The following ARHGAP15 variants were observed in gnomAD, a reference collection of about 807,000 sequenced individuals.
ARHGAP15 encodes rho GTPase-activating protein 15.
In ARHGAP15, 51 loss-of-function variants were observed where a neutral mutation model predicts 63.7. That is an observed-to-expected ratio of 0.80 (90% CI 0.64 to 1.01). The LOEUF (loss-of-function observed/expected upper bound fraction) is 1.01. ARHGAP15 is among the 50% of genes least tolerant of loss of function. The pLI is 0.00. For synonymous variants in ARHGAP15, 191 were observed against 193.8 expected, an observed-to-expected ratio of 0.99 and a Z score of 0.12; for missense variants, 560 against 564.6, an observed-to-expected ratio of 0.99 and a Z score of 0.08.
chr2:143,768,203 ATC>A lies in ARHGAP15; in HGVS notation c.*33_*34del, dbSNP rs1453406023. 6.4e-7 allele frequency: 1 copy of A among 1,559,142 alleles called. No homozygotes were observed. The highest frequency in any genetic ancestry group is 2.3e-5 in the East Asian group (1 of 43,252). ...AAGACAAGCTACTGAATACGTTCAC[ATC>A]TGTCTTGATGCCTAATATTTTTACA... On this transcript the variant is annotated 3_prime_UTR_variant, in exon 14 of 14. Coordinates refer to ENST00000295095, the MANE Select transcript of ARHGAP15 (RefSeq NM_018460.4).
rs71411383 is a variant in ARHGAP15 at position 143,397,316 on chromosome 2, ATGTGTG to A, written c.475-38259_475-38254del. Among the ~76,000 whole-genome samples, 56 of 147,728 alleles carry A rather than the reference ATGTGTG, an allele frequency of 3.8e-4. No homozygotes were observed. The South Asian group carries it at 4.8e-3, about 13-fold the overall frequency. On this transcript the variant is annotated intron_variant, in intron 6 of 13. Coordinates refer to ENST00000295095, the MANE Select transcript of ARHGAP15 (RefSeq NM_018460.4). ...TGGACAATAATAATATGAGATATGT[ATGTGTG>A]TGTGTGTGTGTGTGTGTGTGTGTGT...
chr2:143,211,942 G>A (rs11895997), intron 3 of ARHGAP15, among the ~76,000 whole-genome samples: 42,246 of 152,030 alleles, frequency 0.28, 6,685 homozygotes, highest in East Asian at 0.46. Flanking sequence ...CAGAGAAAAC[G>A]TTATGAGGCA....
rs564679145 is a variant in ARHGAP15, at chr2:143,324,876, G to A, written c.474+74276G>A. ...CTCTGTGGTAAACCTAAGTGACTAG[G>A]CTGTGGCCCGTGAACAGCTTTTGTT... On this transcript the variant is annotated intron_variant, in intron 6 of 13. Coordinates refer to ENST00000295095, the MANE Select transcript of ARHGAP15 (RefSeq NM_018460.4). 3.3e-5 allele frequency among the ~76,000 whole-genome samples: 5 copies of A among 152,210 alleles called. No homozygotes were observed. In the East Asian group the frequency reaches 9.6e-4, roughly 29 times the overall value.
At chr2:143,130,281 T>C (rs1437945519) in intron 1 of ARHGAP15, among the ~76,000 whole-genome samples, 10 of 152,158 alleles carry the variant, frequency 6.6e-5, no homozygotes, top group African/African-American at 2.4e-4. Context: ...TTCTTTTATA[T>C]TGACTTCTTG....
intron 4 of ARHGAP15, among the ~76,000 whole-genome samples, chr2:143,220,987 A>G (rs1186589683): frequency 6.6e-6 from 1 of 152,094 alleles, no homozygotes; most frequent in Non-Finnish European, 1.5e-5. Context: ...CTTATTTTAT[A>G]TATAGTTAGT....
At chr2:143,430,177 CT>C (rs35690060) in intron 6 of ARHGAP15, among the ~76,000 whole-genome samples, 11,072 of 143,958 alleles carry the variant, frequency 0.077, 804 homozygotes, top group Admixed American at 0.24. Flanking sequence ...GCCAAAGTAA[CT>C]TTTTTTTTTT....
At chr2:143,298,795 ATAAT>A (rs1278339269) in intron 6 of ARHGAP15, among the ~76,000 whole-genome samples, 5 of 151,868 alleles carry the variant, frequency 3.3e-5, no homozygotes, top group Non-Finnish European at 7.4e-5. Flanking sequence ...ATTGAATTTA[ATAAT>A]TAAATTATCA....
At position 143,527,276 on chromosome 2, in the gene ARHGAP15, G is replaced by A. The variant is rs368134942; in HGVS notation, c.925+7912G>A. Among the ~76,000 whole-genome samples, 168 of 152,020 alleles carry A rather than the reference G, an allele frequency of 1.1e-3. 1 individual carries two copies. The highest frequency in any genetic ancestry group is 3.9e-3 in the African/African-American group (162 of 41,506). ...TGAACATGACATATTTTTTTGTACA[G>A]GATATTTAGAACTTTTTACCCATTT... On this transcript the variant is annotated intron_variant, in intron 10 of 13. Coordinates refer to ENST00000295095, the MANE Select transcript of ARHGAP15 (RefSeq NM_018460.4).
intron 12 of ARHGAP15, among the ~76,000 whole-genome samples, chr2:143,700,142 G>C (rs560079377): frequency 6.6e-6 from 1 of 152,174 alleles, no homozygotes; most frequent in Admixed American, 6.6e-5. Flanking sequence ...ACCATGTGAA[G>C]TGTTGTGTAA....
intron 6 of ARHGAP15, among the ~76,000 whole-genome samples, chr2:143,267,175 G>A (rs538073713): frequency 1.6e-4 from 25 of 152,064 alleles, no homozygotes; most frequent in African/African-American, 5.5e-4. Flanking sequence ...CCCTACCACA[G>A]TCCCTACACA....
intron 8 of ARHGAP15, among the ~76,000 whole-genome samples, chr2:143,466,339 T>A (rs1691210694): frequency 6.6e-6 from 1 of 152,060 alleles, no homozygotes; most frequent in African/African-American, 2.4e-5. Context: ...CAAGCCAATT[T>A]TTTTTTCAGA....
At chr2:143,529,552 C>A (rs546515807) in intron 10 of ARHGAP15, among the ~76,000 whole-genome samples, 2 of 152,182 alleles carry the variant, frequency 1.3e-5, no homozygotes, top group East Asian at 3.9e-4. Flanking sequence ...ACTAATTACC[C>A]CCATAAAAAA....
intron 6 of ARHGAP15, among the ~76,000 whole-genome samples, chr2:143,292,956 GATTGTA>G (rs1682472563): frequency 1.3e-5 from 2 of 151,986 alleles, no homozygotes; most frequent in African/African-American, 4.8e-5. Context: ...CAGAATTACT[GATTGTA>G]ATCAGTTTTC....
chr2:143,163,437 A>G (rs1212258244), intron 2 of ARHGAP15, among the ~76,000 whole-genome samples: 1 of 151,548 alleles, frequency 6.6e-6, no homozygotes, highest in Admixed American at 6.6e-5. Flanking sequence ...ATACAGATAT[A>G]TAGAAATATA....
intron 2 of ARHGAP15, among the ~76,000 whole-genome samples, chr2:143,199,766 C>T (rs572539729): frequency 2.0e-5 from 3 of 152,188 alleles, no homozygotes; most frequent in African/African-American, 4.8e-5. Flanking sequence ...ATACCCTTCA[C>T]CATATAGCCG....
At chr2:143,278,735 T>A (rs1445782050) in intron 6 of ARHGAP15, among the ~76,000 whole-genome samples, 1 of 152,052 alleles carries the variant, frequency 6.6e-6, no homozygotes, top group African/African-American at 2.4e-5. Flanking sequence ...ACAAGAAATC[T>A]TCTTATTTAT....
chr2:143,643,655 T>A (rs1375741928), intron 12 of ARHGAP15, among the ~76,000 whole-genome samples: 1 of 151,848 alleles, frequency 6.6e-6, no homozygotes, highest in African/African-American at 2.4e-5. Flanking sequence ...CTTGGTTACA[T>A]CTAAGGTGTT....
At chr2:143,680,626 T>G (rs1379033151) in intron 12 of ARHGAP15, among the ~76,000 whole-genome samples, 2 of 152,248 alleles carry the variant, frequency 1.3e-5, no homozygotes, top group African/African-American at 4.8e-5. Flanking sequence ...CCCTGACTCT[T>G]AGTCTGCATT....
intron 8 of ARHGAP15, among the ~76,000 whole-genome samples, chr2:143,476,677 T>TA (rs1242529352): frequency 6.6e-6 from 1 of 152,188 alleles, no homozygotes; most frequent in African/African-American, 2.4e-5. Flanking sequence ...AAAGCTCTGT[T>TA]AGTCCATGAT....
Sources: gnomAD v4.1 joint callset for allele counts (sites outside exome capture counted in the v4.1 genomes callset) on GRCh38, gnomAD v4.1.1 for gene constraint, MANE v1.5 for transcripts, NCBI Gene and HGNC (gene_info 2026-07-23, HGNC 2026-07-21) for gene names.